ENTPD3: variants seen among roughly 807,000 people sequenced by gnomAD.
The protein encoded by ENTPD3 is CD39 antigen-like 3.
A neutral mutation model predicts 51.2 loss-of-function variants in ENTPD3; 60 were observed. That is an observed-to-expected ratio of 1.17 (90% confidence interval 0.95 to 1.45). The LOEUF is 1.45. Ranked by LOEUF, ENTPD3 falls within the 40% of genes most tolerant of loss-of-function variation. The pLI, the probability that ENTPD3 is intolerant of heterozygous loss-of-function variation, is 0.00. For missense variants in ENTPD3, 593 were observed against 641.1 expected (o/e 0.93, Z 0.81); for synonymous variants, 221 against 238.4 (o/e 0.93, Z 0.67).
chr3:40,388,356 G>A (rs1954984252), intron 2 of ENTPD3, among the ~76,000 whole-genome samples: 3 of 151,924 alleles, frequency 2.0e-5, no homozygotes, highest in African/African-American at 7.3e-5. Flanking sequence ...CATTAATTTG[G>A]CCCTTGTGGT....
chr3:40,399,023 A>T (rs115073220), intron 3 of ENTPD3, among the ~76,000 whole-genome samples: 537 of 152,222 alleles, frequency 3.5e-3, no homozygotes, highest in African/African-American at 0.012. Flanking sequence ...GGAGTTCGAG[A>T]CCAGGCTGGG....
intron 2 of ENTPD3, among the ~76,000 whole-genome samples, chr3:40,390,390 G>T (rs1439975065): frequency 6.6e-6 from 1 of 152,066 alleles, no homozygotes; most frequent in Non-Finnish European, 1.5e-5. Context: ...TAGAGACGGG[G>T]TCTCACTATG....
At position 40,423,825 on chromosome 3, in the gene ENTPD3, G is replaced by A. The variant is rs1955932061; in HGVS notation, c.1216-1G>A. On this transcript the variant is annotated splice_acceptor_variant, in intron 9 of 10. Transcript: ENST00000301825. LOFTEE classifies it high-confidence loss of function. ...CCTCTCAGATGTTTTAAACCTTTCA[G>A]CTCCCACTGCTGCTCCCCAAATTTG... 4 of 1,613,732 alleles carry A rather than the reference G, an allele frequency of 2.5e-6. No individual in the cohort carries two copies. In the East Asian group the frequency reaches 8.9e-5, roughly 36 times the overall value.
intron 7 of ENTPD3, among the ~76,000 whole-genome samples, chr3:40,421,536 T>C (rs760147907): frequency 2.0e-5 from 3 of 152,216 alleles, no homozygotes; most frequent in Non-Finnish European, 4.4e-5. Context: ...TTAAATCAAA[T>C]AAATTTCAAT....
intron 3 of ENTPD3, chr3:40,392,487 A>C (rs1022890054): frequency 9.9e-6 from 2 of 202,484 alleles, no homozygotes; most frequent in Non-Finnish European, 2.0e-5. Flanking sequence ...CACGCCTGTA[A>C]GGCACTTTGG....
rs766289883 is a variant in ENTPD3 at position 40,423,812 on chromosome 3, T to C, written c.1216-14T>C. On this transcript the variant is annotated splice_polypyrimidine_tract_variant and intron_variant, in intron 9 of 10. Transcript: ENST00000301825. ...CCTGCCTGCCCTGCCTCTCAGATGT[T>C]TTAAACCTTTCAGCTCCCACTGCTG... is the stretch of plus-strand genomic sequence containing the variant. The C allele has an allele frequency of 1.2e-6, 2 of 1,613,634 alleles. No homozygotes were observed. The highest frequency in any genetic ancestry group is 1.7e-6 in the Non-Finnish European group (2 of 1,179,676).
chr3:40,399,074 T>C (rs2125592274), intron 3 of ENTPD3, among the ~76,000 whole-genome samples: 1 of 152,006 alleles, frequency 6.6e-6, no homozygotes. Context: ...ATATAAAAAT[T>C]AGCCAGGTGT....
chr3:40,401,439 T>C (rs953647919), intron 4 of ENTPD3, among the ~76,000 whole-genome samples: 5 of 152,352 alleles, frequency 3.3e-5, no homozygotes, highest in African/African-American at 1.2e-4. Flanking sequence ...ACAGATAGTA[T>C]GCACTCATGC....
chr3:40,402,056 G>A (rs1955369691), intron 4 of ENTPD3, among the ~76,000 whole-genome samples: 1 of 150,562 alleles, frequency 6.6e-6, no homozygotes, highest in African/African-American at 2.4e-5. Context: ...AACAACATTG[G>A]GTTTTTAAGA....
intron 2 of ENTPD3, among the ~76,000 whole-genome samples, chr3:40,389,477 G>A (rs138827524): frequency 2.0e-5 from 3 of 152,326 alleles, no homozygotes; most frequent in East Asian, 1.9e-4. Context: ...TTTTACACAT[G>A]TGGAGCTAGT....
chr3:40,414,936 T>C (rs1425020288), intron 6 of ENTPD3, 96 bp downstream of exon 6: 2 of 1,255,424 alleles, frequency 1.6e-6, no homozygotes, highest in Non-Finnish European at 2.3e-6. Context: ...CAGGGATATC[T>C]GCCCTGTATC....
intron 7 of ENTPD3, among the ~76,000 whole-genome samples, chr3:40,419,734 T>G (rs1955822264): frequency 6.6e-6 from 1 of 152,244 alleles, no homozygotes; most frequent in Non-Finnish European, 1.5e-5. Flanking sequence ...TTAAATGTAT[T>G]TTCTTTGTGT....
chr3:40,389,029 T>C (rs771237219), intron 2 of ENTPD3, among the ~76,000 whole-genome samples: 8 of 152,186 alleles, frequency 5.3e-5, no homozygotes, highest in Admixed American at 1.3e-4. Flanking sequence ...GATTTTAGGA[T>C]AGTAAGGGCA....
intron 4 of ENTPD3, among the ~76,000 whole-genome samples, chr3:40,410,075 A>G (rs751638153): frequency 6.6e-6 from 1 of 152,222 alleles, no homozygotes; most frequent in Non-Finnish European, 1.5e-5. Flanking sequence ...ATCTAATTTT[A>G]GAACTACTTA....
At chr3:40,410,593 A>AT (rs1056462936) in intron 4 of ENTPD3, among the ~76,000 whole-genome samples, 2 of 151,966 alleles carry the variant, frequency 1.3e-5, no homozygotes, top group Admixed American at 6.6e-5. Context: ...ATCCCTATAT[A>AT]TTTTTTTTAA....
intron 3 of ENTPD3, among the ~76,000 whole-genome samples, chr3:40,396,106 C>G (rs533215218): frequency 6.6e-6 from 1 of 152,178 alleles, no homozygotes; most frequent in East Asian, 1.9e-4. Flanking sequence ...GGTAACAGAC[C>G]CTAGCCACCA....
chr3:40,400,894 T>G lies in ENTPD3; in HGVS notation c.169T>G (p.Tyr57Asp). 6.2e-7 allele frequency: 1 copy of G among 1,611,688 alleles called. No homozygotes were observed. Among genetic ancestry groups the G allele is most frequent in the Non-Finnish European group, 8.5e-7 (1 of 1,178,046 alleles). ...ACTCTCCCTTTCCCTTTTTATTCAG[T>G]ATGGTATTGTGCTGGATGCCGGGTC... ...KQEVLPPGLK[Y>D]GIVLDAGSSR... is the part of the protein sequence containing the mutation. The change falls in exon 4 of 11, where the codon TAT (tyrosine) becomes GAT (aspartate). Residue 57 changes from tyrosine (Y) to aspartate (D), a missense_variant and splice_region_variant. By Grantham distance (160) the Tyr-to-Asp change is radical. Transcript: ENST00000301825.
chr3:40,417,564 T>C (rs985217815), intron 7 of ENTPD3, among the ~76,000 whole-genome samples: 11 of 151,912 alleles, frequency 7.2e-5, no homozygotes, highest in African/African-American at 2.7e-4. Context: ...AACACTGGGA[T>C]TACAATTTTA....
chr3:40,398,514 C>T (rs945220934), intron 3 of ENTPD3, among the ~76,000 whole-genome samples: 2 of 152,168 alleles, frequency 1.3e-5, no homozygotes, highest in Non-Finnish European at 2.9e-5. Flanking sequence ...TCAACCTGTA[C>T]TTTAATCTCC....
Sources: allele counts gnomAD v4.1 joint callset (sites outside exome capture counted in the v4.1 genomes callset), GRCh38; gene constraint gnomAD v4.1.1; transcripts MANE v1.5; gene names NCBI Gene and HGNC (gene_info 2026-07-23, HGNC 2026-07-21).